Variants in CDKAL1 observed in about 807,000 individuals in gnomAD.
CDKAL1 encodes the protein threonylcarbamoyladenosine tRNA methylthiotransferase.
A neutral mutation model predicts 68.2 loss-of-function variants in CDKAL1; 32 were observed. The observed-to-expected ratio is 0.47, with a 90% CI of 0.35 to 0.63. CDKAL1 has a LOEUF of 0.63. CDKAL1 is among the 30% of genes least tolerant of loss of function. The pLI is 0.00. For missense variants in CDKAL1, 606 were observed against 696.7 expected (o/e 0.87, Z 1.47); for synonymous variants, 234 against 244.3 (o/e 0.96, Z 0.39).
chr6:21,005,160 T>G (rs1767655636), intron 11 of CDKAL1, among the ~76,000 whole-genome samples: 3 of 152,204 alleles, frequency 2.0e-5, no homozygotes, highest in Non-Finnish European at 4.4e-5. Context: ...ATTTTTGTAC[T>G]GCGTTATGTT....
At chr6:20,695,618 C>G (rs1029019861) in intron 5 of CDKAL1, among the ~76,000 whole-genome samples, 1 of 152,116 alleles carries the variant, frequency 6.6e-6, no homozygotes, top group Non-Finnish European at 1.5e-5. Context: ...TGGATCTGTT[C>G]CTGCTACTTC....
chr6:21,214,899 A>G (rs2151119706), intron 15 of CDKAL1, among the ~76,000 whole-genome samples: 1 of 152,226 alleles, frequency 6.6e-6, no homozygotes, highest in East Asian at 1.9e-4. Context: ...GAATGAATGA[A>G]TGAATGAATG....
At chr6:21,112,544 G>T (rs1214008663) in intron 13 of CDKAL1, among the ~76,000 whole-genome samples, 5 of 152,142 alleles carry the variant, frequency 3.3e-5, no homozygotes, top group Non-Finnish European at 7.4e-5. Flanking sequence ...ACATGTCAGT[G>T]GACACACTTG....
chr6:20,740,365 G>A (rs1161163291), intron 6 of CDKAL1, among the ~76,000 whole-genome samples: 1 of 152,028 alleles, frequency 6.6e-6, no homozygotes, highest in Non-Finnish European at 1.5e-5. Context: ...GAAGTAAGGA[G>A]ACTACTGTCT....
At chr6:20,856,158 G>A (rs1759325885) in intron 9 of CDKAL1, among the ~76,000 whole-genome samples, 1 of 152,212 alleles carries the variant, frequency 6.6e-6, no homozygotes, top group Admixed American at 6.5e-5. Flanking sequence ...TGCTTACTCA[G>A]GAGCACGTGT....
Position 20,874,264 on chromosome 6 carries a change from A to G in CDKAL1, c.742+28086A>G, listed in dbSNP as rs567327740. ...GGGGGCTATTTATCCATGTTTCTAGATGAAAAGGAACAAGGAAATAGCAAG... is the reference window on the plus strand; with the variant it reads ...GGGGGCTATTTATCCATGTTTCTAGGTGAAAAGGAACAAGGAAATAGCAAG... On this transcript the variant is annotated intron_variant, in intron 9 of 15. Coordinates refer to ENST00000274695, the MANE Select transcript of CDKAL1 (RefSeq NM_017774.3). Among the ~76,000 whole-genome samples the G allele has an allele frequency of 3.3e-5, 5 of 151,876 alleles. No homozygotes were observed. In the South Asian group the frequency reaches 1.0e-3, roughly 32 times the overall value.
chr6:20,936,241 A>ATTTTT (rs33911838), intron 9 of CDKAL1, among the ~76,000 whole-genome samples: 3 of 68,800 alleles, frequency 4.4e-5, no homozygotes, highest in African/African-American at 6.1e-5. Flanking sequence ...GTGTCTCATA[A>ATTTTT]TTTTTTTTTT....
intron 2 of CDKAL1, among the ~76,000 whole-genome samples, chr6:20,535,892 G>C (rs1221945647): frequency 6.6e-6 from 1 of 152,112 alleles, no homozygotes; most frequent in Non-Finnish European, 1.5e-5. Context: ...TTCCCTGATG[G>C]CTCATGATGT....
intron 4 of CDKAL1, among the ~76,000 whole-genome samples, chr6:20,582,364 G>C (rs1765174575): frequency 6.6e-6 from 1 of 152,134 alleles, no homozygotes; most frequent in Non-Finnish European, 1.5e-5. Flanking sequence ...AAACTTTAGA[G>C]ATGAAGATGA....
intron 4 of CDKAL1, among the ~76,000 whole-genome samples, chr6:20,552,810 TA>T (rs1239678460): frequency 1.3e-5 from 2 of 152,162 alleles, no homozygotes; most frequent in African/African-American, 4.8e-5. Context: ...CCAGGAAATA[TA>T]AACAGAATTA....
intron 4 of CDKAL1, among the ~76,000 whole-genome samples, chr6:20,603,768 A>ATTTT (rs745786047): frequency 0.036 from 3,062 of 85,136 alleles, 373 homozygotes; most frequent in Middle Eastern, 0.073. Context: ...CAGTTGCTAA[A>ATTTT]TTTTTTTTTT....
intron 4 of CDKAL1, among the ~76,000 whole-genome samples, chr6:20,553,348 A>G (rs1335442569): frequency 5.3e-5 from 8 of 151,976 alleles, no homozygotes; most frequent in African/African-American, 1.9e-4. Context: ...GTCTCTACTA[A>G]AAATACAAAA....
intron 12 of CDKAL1, among the ~76,000 whole-genome samples, chr6:21,104,549 A>T (rs1365485957): frequency 6.6e-6 from 1 of 151,856 alleles, no homozygotes; most frequent in Non-Finnish European, 1.5e-5. Flanking sequence ...AGTGGGTCAG[A>T]TTGGCTATGG....
chr6:20,883,926 T>C (rs1423082969), intron 9 of CDKAL1, among the ~76,000 whole-genome samples: 1 of 152,102 alleles, frequency 6.6e-6, no homozygotes, highest in Non-Finnish European at 1.5e-5. Context: ...TTAACACCAG[T>C]CCCTCTGAAA....
chr6:20,538,680 TC>T (rs1468880618), intron 2 of CDKAL1, among the ~76,000 whole-genome samples: 1 of 152,224 alleles, frequency 6.6e-6, no homozygotes, highest in Non-Finnish European at 1.5e-5. Flanking sequence ...CAGTAGTTCT[TC>T]CGCATTCCAA....
In CDKAL1 at chr6:20,539,813, G is replaced by A. The variant is rs1027664066; in HGVS notation, c.-6+4419G>A. 6.6e-6 allele frequency among the ~76,000 whole-genome samples: 1 copy of A among 152,078 alleles called. No individual in the cohort carries two copies. The highest frequency in any genetic ancestry group is 2.4e-5 in the African/African-American group (1 of 41,396). ...ATTGAGAAGCTTGAGATGAACTTAG[G>A]TTTTAAAGGGATCCCTGACTTCTGT... On this transcript the variant is annotated intron_variant, in intron 2 of 15. Transcript: ENST00000274695. The surrounding 1 kb of genome is among the most constrained non-coding windows in gnomAD (Gnocchi z 4.3).
intron 5 of CDKAL1, among the ~76,000 whole-genome samples, chr6:20,686,256 G>A (rs928876313): frequency 2.1e-4 from 32 of 152,098 alleles, no homozygotes; most frequent in African/African-American, 7.7e-4. Flanking sequence ...ACTGGTACTG[G>A]TCTGTGGCTT....
Position 20,794,471 on chromosome 6 carries a change from G to GA in CDKAL1, c.638+13212dup, listed in dbSNP as rs1433071124. ...TGAAGACTTTTTTTGTAAGAGATGGGAAAAAACCCTTTTAATTAGGGGTAG... is the reference window on the plus strand; with the variant it reads ...TGAAGACTTTTTTTGTAAGAGATGGGAAAAAAACCCTTTTAATTAGGGGTAG... On this transcript the variant is annotated intron_variant, in intron 8 of 15. Transcript: ENST00000274695. Among the ~76,000 whole-genome samples the GA allele has an allele frequency of 4.6e-5, 7 of 152,084 alleles. No homozygotes were observed. In the East Asian group the frequency reaches 7.7e-4, roughly 17 times the overall value.
At chr6:20,545,568 C>G (rs1224326165) in intron 2 of CDKAL1, among the ~76,000 whole-genome samples, 2 of 152,106 alleles carry the variant, frequency 1.3e-5, no homozygotes, top group Non-Finnish European at 2.9e-5. Context: ...TCCCAAGTAG[C>G]TAAAACTGCA....
Sources: gnomAD v4.1 joint callset for allele counts (sites outside exome capture counted in the v4.1 genomes callset) on GRCh38, gnomAD v4.1.1 for gene constraint, Gnocchi (gnomAD v3.1) non-coding constraint, MANE v1.5 for transcripts, NCBI Gene and HGNC (gene_info 2026-07-23, HGNC 2026-07-21) for gene names.